Variants in TEX11 observed in about 807,000 individuals in gnomAD.
TEX11 encodes testis expressed 11, also known as testis-expressed protein 11.
In TEX11, 7 loss-of-function variants were observed where a neutral mutation model predicts 84.4. The observed-to-expected ratio is 0.08, with a 90% confidence interval of 0.05 to 0.16. The LOEUF (loss-of-function observed/expected upper bound fraction) is 0.16. TEX11 is among the 10% of genes least tolerant of loss of function. The probability of loss-of-function intolerance (pLI) is 1.00; values close to 1 mark genes in which losing one functional copy is unlikely to be tolerated. For missense variants in TEX11, 551 were observed against 660.5 expected (o/e 0.83, Z 1.82); for synonymous variants, 264 against 222.8 (o/e 1.18, Z -1.64).
intron 9 of TEX11, among the ~76,000 whole-genome samples, chrX:70,758,417 A>C (rs980128693): frequency 2.7e-5 from 3 of 111,696 alleles, no homozygotes; most frequent in Non-Finnish European, 3.8e-5. Flanking sequence ...AAATCACAAC[A>C]GTCTCTCAGA....
At chrX:70,839,764 C>G (rs902612553) in intron 7 of TEX11, among the ~76,000 whole-genome samples, 3 of 111,125 alleles carry the variant, frequency 2.7e-5, no homozygotes, top group African/African-American at 9.8e-5. Context: ...CGAACGGATA[C>G]TAGAATAACC....
At chrX:70,799,926 C>A (rs1413677048) in intron 9 of TEX11, among the ~76,000 whole-genome samples, 2 of 111,257 alleles carry the variant, frequency 1.8e-5, no homozygotes, top group Non-Finnish European at 3.8e-5. Context: ...AGAGCACAAA[C>A]GATTAATTTT....
chrX:70,787,849 G>T (rs2091089231), intron 9 of TEX11, among the ~76,000 whole-genome samples: 1 of 111,345 alleles, frequency 9.0e-6, no homozygotes, highest in Non-Finnish European at 1.9e-5. Context: ...AATTGTACAT[G>T]CAAAAATCAA....
At chrX:70,550,181 A>AT (rs2088194342) in intron 28 of TEX11, among the ~76,000 whole-genome samples, 1 of 112,815 alleles carries the variant, frequency 8.9e-6, no homozygotes, top group African/African-American at 3.2e-5. Flanking sequence ...GGAAAACTGG[A>AT]TATCCATATG....
At chrX:70,815,950 T>C (rs1284967571) in intron 8 of TEX11, among the ~76,000 whole-genome samples, 2 of 111,967 alleles carry the variant, frequency 1.8e-5, no homozygotes, top group Non-Finnish European at 3.8e-5. Context: ...TTCCATAGGT[T>C]ATTGGAGAAC....
intron 9 of TEX11, among the ~76,000 whole-genome samples, chrX:70,778,870 A>C (rs1409787704): frequency 9.0e-6 from 1 of 111,162 alleles, no homozygotes; most frequent in Non-Finnish European, 1.9e-5. Flanking sequence ...ATGGAAATTA[A>C]ACACCATGCT....
intron 13 of TEX11, among the ~76,000 whole-genome samples, chrX:70,703,272 C>T (rs2090341247): frequency 9.0e-6 from 1 of 111,656 alleles, no homozygotes; most frequent in East Asian, 2.8e-4. Context: ...ATAACTTCTA[C>T]ATATTTTATG....
chrX:70,780,310 T>C (rs1050749175), intron 9 of TEX11, among the ~76,000 whole-genome samples: 1 of 112,256 alleles, frequency 8.9e-6, no homozygotes, highest in Non-Finnish European at 1.9e-5. Flanking sequence ...GAAAAACATT[T>C]ATAAAATAAG....
intron 28 of TEX11, among the ~76,000 whole-genome samples, chrX:70,548,783 GAGAGCTAA>G (rs1235856691): frequency 8.9e-6 from 1 of 112,061 alleles, no homozygotes; most frequent in Non-Finnish European, 1.9e-5. Context: ...CCTTGCCACT[GAGAGCTAA>G]AGTGCTCTGG....
intron 9 of TEX11, among the ~76,000 whole-genome samples, chrX:70,800,194 G>A (rs900240657): frequency 1.7e-4 from 19 of 110,749 alleles, no homozygotes; most frequent in African/African-American, 5.6e-4. Context: ...TAAATGATGC[G>A]AACTCATGAA....
At position 70,801,801 on chromosome X, in the gene TEX11, C is replaced by CA. The variant is rs761499997; in HGVS notation, c.692+4903dup. ...ATATTAAATATTCTCACCACACACA[C>CA]AAAAAAAAGGCAACTCAGACAATTG... is the stretch of plus-strand genomic sequence containing the variant. On this transcript the variant is annotated intron_variant, in intron 9 of 29. Coordinates refer to ENST00000374333, the MANE Select transcript of TEX11 (RefSeq NM_031276.3). Among the ~76,000 whole-genome samples, 22 of 108,619 alleles carry CA rather than the reference C, an allele frequency of 2.0e-4. No individual in the cohort carries two copies. The South Asian group carries it at 3.1e-3, about 15-fold the overall frequency. The allele number at this position is 108,619 out of a possible 115,157, so 94.3% of individuals were successfully genotyped here. A position where few individuals can be genotyped will look rare whatever the true frequency, so the allele number is the denominator to read the frequency against.
intron 26 of TEX11, 71 bp downstream of exon 26, chrX:70,554,580 T>A: frequency 1.9e-6 from 2 of 1,027,946 alleles, no homozygotes; most frequent in Non-Finnish European, 2.6e-6. Context: ...GAAAGAAGAG[T>A]AAAGAGAAGA....
chrX:70,708,978 C>T (rs1333001545), intron 13 of TEX11, among the ~76,000 whole-genome samples: 1 of 109,444 alleles, frequency 9.1e-6, no homozygotes, highest in African/African-American at 3.3e-5. Context: ...AAAACCAATC[C>T]CTCTAGGGAA....
intron 7 of TEX11, among the ~76,000 whole-genome samples, chrX:70,850,254 A>G (rs1429658470): frequency 9.0e-6 from 1 of 111,706 alleles, no homozygotes; most frequent in African/African-American, 3.3e-5. Context: ...TTCTCCAAAT[A>G]TTTTTCATAT....
At chrX:70,516,844 G>C in the TEX11 span, among the ~76,000 whole-genome samples, 2 of 111,000 alleles carry the variant, frequency 1.8e-5, no homozygotes, top group African/African-American at 6.6e-5. Context: ...CACATCCCTT[G>C]TAAGTTGGAT....
chrX:70,560,905 T>C (rs1344349945), intron 25 of TEX11, among the ~76,000 whole-genome samples: 2 of 60,397 alleles, frequency 3.3e-5, no homozygotes, highest in African/African-American at 1.3e-4. Context: ...TTTTTTTTTT[T>C]TTTTTTTTTT....
At chrX:70,512,531 C>T in the TEX11 span, among the ~76,000 whole-genome samples, 1 of 108,390 alleles carries the variant, frequency 9.2e-6, no homozygotes, top group African/African-American at 3.4e-5. Context: ...GCCTGCAAAG[C>T]ATTTCCTTAT....
intron 8 of TEX11, among the ~76,000 whole-genome samples, chrX:70,826,606 AAG>A (rs766309129): frequency 3.6e-4 from 40 of 112,161 alleles, no homozygotes; most frequent in African/African-American, 1.3e-3. Flanking sequence ...ATTGCAGAGG[AAG>A]AGCACAGCAG....
At chrX:70,846,660 A>G (rs2091480643) in intron 7 of TEX11, among the ~76,000 whole-genome samples, 1 of 111,729 alleles carries the variant, frequency 9.0e-6, no homozygotes, top group Non-Finnish European at 1.9e-5. Flanking sequence ...ATGGTCGCTC[A>G]CGCCTGTAAT....
Sources: gnomAD v4.1 joint callset for allele counts (sites outside exome capture counted in the v4.1 genomes callset) on GRCh38, gnomAD v4.1.1 for gene constraint, MANE v1.5 for transcripts, NCBI Gene and HGNC (gene_info 2026-07-23, HGNC 2026-07-21) for gene names.